Variants in ZMYND12 observed in about 807,000 individuals in gnomAD.
ZMYND12 encodes the protein zinc finger MYND-type containing 12.
A neutral mutation model predicts 41.7 loss-of-function variants in ZMYND12; 32 were observed. The ratio of observed to expected loss-of-function variants is 0.77; its 90% CI spans 0.58 to 1.03. The LOEUF is 1.03. Among genes scored for constraint, ZMYND12 ranks in the 50% least tolerant of loss-of-function variants. The pLI, the probability that ZMYND12 is intolerant of heterozygous loss-of-function variation, is 0.00. For synonymous variants in ZMYND12, 148 were observed against 164.8 expected, an observed-to-expected ratio of 0.90 and a Z score of 0.78; for missense variants, 424 against 438.5, an observed-to-expected ratio of 0.97 and a Z score of 0.30.
intron 3 of ZMYND12, among the ~76,000 whole-genome samples, chr1:42,446,997 TA>T (rs1237507322): frequency 2.6e-5 from 4 of 152,210 alleles, no homozygotes; most frequent in Non-Finnish European, 5.9e-5. Context: ...GTAATGGATT[TA>T]AGCCCATTGA....
intron 6 of ZMYND12, among the ~76,000 whole-genome samples, chr1:42,433,544 TC>T (rs1642876927): frequency 2.6e-5 from 4 of 152,146 alleles, no homozygotes; most frequent in Admixed American, 2.6e-4. Flanking sequence ...AAAAATAGGC[TC>T]ACTCCCACAG....
At chr1:42,437,687 A>AT (rs896770235) in intron 4 of ZMYND12, among the ~76,000 whole-genome samples, 25 of 106,326 alleles carry the variant, frequency 2.4e-4, no homozygotes, top group South Asian at 2.8e-4. Context: ...TAATTTTCAT[A>AT]TTTTTTTTTT....
At chr1:42,434,676 G>A (rs1642887895) in intron 6 of ZMYND12, among the ~76,000 whole-genome samples, 5 of 151,738 alleles carry the variant, frequency 3.3e-5, no homozygotes, top group Admixed American at 3.3e-4. Flanking sequence ...CACTCCTTAT[G>A]AGAATCTAAT....
chr1:42,453,488 A>G (rs2148411597), intron 1 of ZMYND12, among the ~76,000 whole-genome samples: 1 of 152,372 alleles, frequency 6.6e-6, no homozygotes. Flanking sequence ...CATTTGACAT[A>G]GTATCTAGCA....
At position 42,439,666 on chromosome 1, in the gene ZMYND12, T is replaced by C. The variant is rs16829524; in HGVS notation, c.594+190A>G. Among the ~76,000 whole-genome samples, 980 of 152,286 alleles carry C rather than the reference T, an allele frequency of 6.4e-3. 25 individuals carry two copies. Among genetic ancestry groups the C allele is most frequent in the Admixed American group, 0.047 (724 of 15,290 alleles). ...TGACCTGGCCAAGGTTGAATAGCTA[T>C]GAAGTAGAAATGCTTGAACTCGGGT... On this transcript the variant is annotated intron_variant, in intron 4 of 7. Coordinates refer to ENST00000372565, the MANE Select transcript of ZMYND12 (RefSeq NM_032257.5).
At chr1:42,437,440 CTGTGTGTGTGTGTG>C (rs113850227) in intron 4 of ZMYND12, among the ~76,000 whole-genome samples, 7 of 144,414 alleles carry the variant, frequency 4.8e-5, no homozygotes, top group Non-Finnish European at 7.5e-5. Flanking sequence ...CAATAAAGCT[CTGTGTGTGTGTGTG>C]TGTGTGTGTG....
chr1:42,443,734 C>A (rs749009595), intron 3 of ZMYND12, among the ~76,000 whole-genome samples: 12 of 152,178 alleles, frequency 7.9e-5, no homozygotes, highest in Non-Finnish European at 1.5e-4. Flanking sequence ...GAAGAGGAGG[C>A]AACTTCATTC....
chr1:42,450,019 C>T lies in ZMYND12; in HGVS notation c.151G>A (p.Glu51Lys). The T allele has an allele frequency of 6.2e-7, 1 of 1,613,976 alleles. No individual in the cohort carries two copies. The highest frequency in any genetic ancestry group is 1.6e-4 in the Middle Eastern group (1 of 6,062). Residue 51 changes from glutamate to lysine, a missense_variant, in exon 2 of 8, where the codon GAG (glutamate) becomes AAG (lysine). Transcript: ENST00000372565. Reference protein sequence around the residue: ...HQKADWDSIHEKICQLLIPLR... With the variant: ...HQKADWDSIHKKICQLLIPLR... Reference sequence around the variant, plus strand: ...GGAATCAAGAGCTGACATATTTTCTCATGGATGCTGTCCCAGTCAGCCTTC... The same window carrying T: ...GGAATCAAGAGCTGACATATTTTCTTATGGATGCTGTCCCAGTCAGCCTTC...
At chr1:42,447,957 C>T (rs965508312) in intron 3 of ZMYND12, among the ~76,000 whole-genome samples, 4 of 152,130 alleles carry the variant, frequency 2.6e-5, no homozygotes, top group Non-Finnish European at 4.4e-5. Context: ...ATTCTGTCTT[C>T]TACGAATTTG....
chr1:42,438,289 T>C (rs1205863395), intron 4 of ZMYND12, among the ~76,000 whole-genome samples: 1 of 152,178 alleles, frequency 6.6e-6, no homozygotes, highest in African/African-American at 2.4e-5. Context: ...TTACTTGACA[T>C]GTAGAAGGGT....
chr1:42,448,255 T>C (rs1022042872), intron 3 of ZMYND12, among the ~76,000 whole-genome samples: 6 of 152,204 alleles, frequency 3.9e-5, no homozygotes, highest in Non-Finnish European at 7.3e-5. Context: ...GTTCCTCCTT[T>C]TTGTGCAGGC....
intron 7 of ZMYND12, among the ~76,000 whole-genome samples, chr1:42,432,043 C>CT: frequency 7.0e-6 from 1 of 142,222 alleles, no homozygotes; most frequent in Non-Finnish European, 1.5e-5. Flanking sequence ...TCTTCTTCTT[C>CT]TTTTCTTTTT....
intron 4 of ZMYND12, among the ~76,000 whole-genome samples, chr1:42,438,826 A>G (rs747294463): frequency 2.6e-5 from 4 of 152,188 alleles, no homozygotes; most frequent in Non-Finnish European, 5.9e-5. Flanking sequence ...TGAAGAGAGA[A>G]CCAACCTGCA....
intron 1 of ZMYND12, among the ~76,000 whole-genome samples, chr1:42,452,136 T>G (rs996951870): frequency 6.6e-6 from 1 of 152,206 alleles, no homozygotes; most frequent in African/African-American, 2.4e-5. Context: ...AGCTTCCTAT[T>G]ATTGAATACC....
At chr1:42,449,284 T>A (rs1401866150) in intron 2 of ZMYND12, among the ~76,000 whole-genome samples, 2 of 152,218 alleles carry the variant, frequency 1.3e-5, no homozygotes, top group African/African-American at 2.4e-5. Flanking sequence ...TATCCATACA[T>A]CATTCTTAAC....
At position 42,435,511 on chromosome 1, in the gene ZMYND12, C is replaced by T; in HGVS notation, c.718-126G>A. The T allele has an allele frequency of 7.1e-6, 5 of 703,794 alleles. No individual in the cohort carries two copies. In the East Asian group the frequency reaches 1.4e-4, roughly 19 times the overall value. 43.6% of individuals were successfully genotyped at this position (703,794 alleles called of 1,614,324 possible). A position where few individuals can be genotyped will look rare whatever the true frequency, so the allele number is the denominator to read the frequency against. On this transcript the variant is annotated intron_variant, in intron 5 of 7. Coordinates refer to ENST00000372565, the MANE Select transcript of ZMYND12 (RefSeq NM_032257.5). Reference sequence around the variant, plus strand: ...CCTGGAGGTTCTCTCTCTTACTGTGCCTGGAGGCAGAGGGAACCCTAGGAG... The same window carrying T: ...CCTGGAGGTTCTCTCTCTTACTGTGTCTGGAGGCAGAGGGAACCCTAGGAG...
chr1:42,449,953 G>C lies in ZMYND12; in HGVS notation c.217C>G (p.Arg73Gly). The C allele has an allele frequency of 6.2e-7, 1 of 1,613,272 alleles. No individual in the cohort carries two copies. The change falls in exon 2 of 8, where the codon CGG becomes GGG. Residue 73 changes from arginine to glycine, a missense_variant. Physicochemically the swap from Arg to Gly is moderately radical, Grantham distance 125. Coordinates refer to ENST00000372565, the MANE Select transcript of ZMYND12 (RefSeq NM_032257.5). ...SMPFYNSEEE[R>G]QHGLQQLQQR... ...TGCAGCTGCTGCAGGCCATGCTGCC[G>C]TTCTTCCTCTGAATTGTAGAAGGGC... is the stretch of plus-strand genomic sequence containing the variant.
At chr1:42,446,668 TATATAG>T (rs1643027811) in intron 3 of ZMYND12, among the ~76,000 whole-genome samples, 1 of 148,834 alleles carries the variant, frequency 6.7e-6, no homozygotes. Flanking sequence ...AAAAAAAAGA[TATATAG>T]ATATAGAAAT....
At position 42,450,051 on chromosome 1, in the gene ZMYND12, A is replaced by T; in HGVS notation, c.119T>A (p.Val40Glu). 6.2e-7 allele frequency: 1 copy of T among 1,613,730 alleles called. No individual in the cohort carries two copies. The highest frequency in any genetic ancestry group is 8.5e-7 in the Non-Finnish European group (1 of 1,180,004). Residue 40 changes from valine (V) to glutamate (E), a missense_variant, in exon 2 of 8, where the codon GTA becomes GAA. Transcript: ENST00000372565. Reference sequence around the variant, plus strand: ...GCTGTCCCAGTCAGCCTTCTGATGTACCACCCCACTGACAACGGAAACATA... The same window carrying T: ...GCTGTCCCAGTCAGCCTTCTGATGTTCCACCCCACTGACAACGGAAACATA... Reference protein sequence around the residue: ...ACTVTYYCGVVHQKADWDSIH... With the variant: ...ACTVTYYCGVEHQKADWDSIH...
Sources: allele counts gnomAD v4.1 joint callset (sites outside exome capture counted in the v4.1 genomes callset), GRCh38; gene constraint gnomAD v4.1.1; transcripts MANE v1.5; gene names NCBI Gene and HGNC (gene_info 2026-07-23, HGNC 2026-07-21).